The following DLGAP1 variants were observed in gnomAD, a reference collection of about 807,000 sequenced individuals.
DLGAP1 encodes DLG associated protein 1, also known as disks large-associated protein 1.
Under a neutral mutation model 90.8 loss-of-function variants are expected in DLGAP1, and 11 were observed. That is an observed-to-expected ratio of 0.12 (90% confidence interval 0.08 to 0.20). The LOEUF (loss-of-function observed/expected upper bound fraction) is 0.20, where lower values mean the gene tolerates loss of function less well. Ranked by LOEUF, DLGAP1 falls within the 10% of genes least tolerant of loss-of-function variation. The probability of loss-of-function intolerance (pLI) is 1.00; values close to 1 mark genes in which losing one functional copy is unlikely to be tolerated. For synonymous variants in DLGAP1, 558 were observed against 540.7 expected (o/e 1.03, Z -0.44); for missense variants, 1,050 against 1,333.8 (o/e 0.79, Z 3.31).
chr18:4,351,740 A>G (rs1376265621), intron 1 of DLGAP1, among the ~76,000 whole-genome samples: 1 of 152,214 alleles, frequency 6.6e-6, no homozygotes, highest in African/African-American at 2.4e-5. Context: ...TTTGTTGTAC[A>G]AATGTGGTGC....
At chr18:3,502,231 C>G in intron 12 of DLGAP1, 1 of 1,339,438 alleles carries the variant, frequency 7.5e-7, no homozygotes, top group South Asian at 2.2e-5. Flanking sequence ...AATGGTTTAA[C>G]TTAAAGTTTA....
intron 1 of DLGAP1, among the ~76,000 whole-genome samples, chr18:4,177,583 C>T (rs1033608987): frequency 1.3e-5 from 2 of 152,126 alleles, no homozygotes; most frequent in African/African-American, 2.4e-5. Flanking sequence ...AAGCATAGCA[C>T]CAATAGATAG....
At chr18:4,402,729 G>A (rs1360513618) in intron 1 of DLGAP1, among the ~76,000 whole-genome samples, 1 of 152,104 alleles carries the variant, frequency 6.6e-6, no homozygotes, top group Non-Finnish European at 1.5e-5. Flanking sequence ...GTAAAAAGAA[G>A]ACAGTCAAAA....
At chr18:3,972,923 G>A (rs2073483641) in intron 3 of DLGAP1, among the ~76,000 whole-genome samples, 1 of 152,182 alleles carries the variant, frequency 6.6e-6, no homozygotes, top group African/African-American at 2.4e-5. Context: ...ATAGGGCAGA[G>A]GACTTTTATT....
At chr18:4,285,719 C>T (rs750872528) in intron 1 of DLGAP1, among the ~76,000 whole-genome samples, 3 of 152,122 alleles carry the variant, frequency 2.0e-5, no homozygotes, top group African/African-American at 7.2e-5. Context: ...TACAGGTTGA[C>T]GTTTGCCTTA....
Position 3,749,093 on chromosome 18 carries a change from T to TCTTCTC in DLGAP1, c.1173-6587_1173-6582dup, listed in dbSNP as rs574160325. ...TTTTAACTTCCACATTCCTATTCTGTCTTCTCCTTCTCCTTCTCCTCCTCC... is the reference window on the plus strand; with the variant it reads ...TTTTAACTTCCACATTCCTATTCTGTCTTCTCCTTCTCCTTCTCCTTCTCCTCCTCC... On this transcript the variant is annotated intron_variant, in intron 5 of 12. Coordinates refer to ENST00000315677, the MANE Select transcript of DLGAP1 (RefSeq NM_004746.4). 4.4e-3 allele frequency among the ~76,000 whole-genome samples: 662 copies of TCTTCTC among 151,652 alleles called. 3 individuals carry two copies. The highest frequency in any genetic ancestry group is 0.023 in the South Asian group (110 of 4,764).
chr18:3,681,102 C>G (rs2060497992), intron 7 of DLGAP1, among the ~76,000 whole-genome samples: 1 of 152,176 alleles, frequency 6.6e-6, no homozygotes, highest in Admixed American at 6.5e-5. Flanking sequence ...AAAATGGAGG[C>G]TGATGAGAGT....
At chr18:3,618,326 G>A (rs772137781) in intron 7 of DLGAP1, among the ~76,000 whole-genome samples, 2 of 152,058 alleles carry the variant, frequency 1.3e-5, no homozygotes, top group African/African-American at 2.4e-5. Flanking sequence ...TTCAACTTGC[G>A]GGCTGTTTGA....
At position 3,499,937 on chromosome 18, in the gene DLGAP1, T is replaced by G. The variant is rs2049842221; in HGVS notation, c.2725-543A>C. The stretch of plus-strand genomic sequence containing the variant: ...AGAAGAGATATCAGATTGTGTTCTT[T>G]AGCTTTGTTGGTGCTACACCAGGTT... On this transcript the variant is annotated intron_variant, in intron 12 of 12. Coordinates refer to ENST00000315677, the MANE Select transcript of DLGAP1 (RefSeq NM_004746.4). This position sits in a 1 kb window ranked among gnomAD's most constrained non-coding sequence, Gnocchi z 6.4. Among the ~76,000 whole-genome samples the G allele has an allele frequency of 6.6e-6, 1 of 152,194 alleles. No homozygotes were observed. The highest frequency in any genetic ancestry group is 2.1e-4 in the South Asian group (1 of 4,824).
At position 3,499,850 on chromosome 18, in the gene DLGAP1, C is replaced by G. The variant is rs2049837342; in HGVS notation, c.2725-456G>C. On this transcript the variant is annotated intron_variant, in intron 12 of 12. Transcript: ENST00000315677. This position sits in a 1 kb window ranked among gnomAD's most constrained non-coding sequence, Gnocchi z 6.4. ...CTTGGTTCAGAGCTTAAAAACATCT[C>G]CGCTCTGTCCCCGGCCCGCCCACCG... Among the ~76,000 whole-genome samples, 1 of 152,112 alleles carries G rather than the reference C, an allele frequency of 6.6e-6. No homozygotes were observed. The highest frequency in any genetic ancestry group is 6.6e-5 in the Admixed American group (1 of 15,262).
intron 2 of DLGAP1, among the ~76,000 whole-genome samples, chr18:4,053,276 T>C (rs1361422158): frequency 6.6e-6 from 1 of 152,172 alleles, no homozygotes; most frequent in East Asian, 1.9e-4. Flanking sequence ...TCATGGTAGA[T>C]GGGGAAGAAA....
At chr18:4,057,227 A>C (rs2075233875) in intron 2 of DLGAP1, among the ~76,000 whole-genome samples, 1 of 152,162 alleles carries the variant, frequency 6.6e-6, no homozygotes, top group Non-Finnish European at 1.5e-5. Flanking sequence ...GTCTCCCAAT[A>C]GACAGAAAAC....
At chr18:3,941,203 G>A (rs1450218239) in intron 3 of DLGAP1, among the ~76,000 whole-genome samples, 2 of 152,190 alleles carry the variant, frequency 1.3e-5, no homozygotes, top group Non-Finnish European at 2.9e-5. Context: ...GTAACTGGAG[G>A]TACAAACACT....
intron 5 of DLGAP1, among the ~76,000 whole-genome samples, chr18:3,811,769 G>GGCAA (rs2066855848): frequency 6.6e-6 from 1 of 152,198 alleles, no homozygotes; most frequent in Non-Finnish European, 1.5e-5. Context: ...TTGTGAAGAA[G>GGCAA]GCAAATGAGA....
chr18:3,728,449 C>T (rs1395542105), intron 7 of DLGAP1, among the ~76,000 whole-genome samples: 2 of 151,874 alleles, frequency 1.3e-5, no homozygotes, highest in Admixed American at 6.6e-5. Context: ...CACAGAAACT[C>T]GTTAAGCTTT....
At chr18:4,263,814 T>C (rs73376950) in intron 1 of DLGAP1, among the ~76,000 whole-genome samples, 6,731 of 152,258 alleles carry the variant, frequency 0.044, 483 homozygotes, top group African/African-American at 0.15. Context: ...TTCTTTTAGA[T>C]AGATTTCAGT....
chr18:4,303,654 T>A (rs2080181363), intron 1 of DLGAP1, among the ~76,000 whole-genome samples: 1 of 152,212 alleles, frequency 6.6e-6, no homozygotes, highest in Non-Finnish European at 1.5e-5. Flanking sequence ...TAACTCATCA[T>A]CTCAATCCTT....
At chr18:4,348,400 ATG>A (rs71160958) in intron 1 of DLGAP1, among the ~76,000 whole-genome samples, 13,071 of 133,142 alleles carry the variant, frequency 0.098, 731 homozygotes, top group East Asian at 0.19. Context: ...GAACTCAGGA[ATG>A]TGTGTGTGTG....
chr18:4,361,271 T>C (rs907076142), intron 1 of DLGAP1, among the ~76,000 whole-genome samples: 1 of 152,010 alleles, frequency 6.6e-6, no homozygotes, highest in African/African-American at 2.4e-5. Context: ...GCGCAGAAAA[T>C]AATAATTTTC....
Sources: gnomAD v4.1 joint callset for allele counts (sites outside exome capture counted in the v4.1 genomes callset) on GRCh38, gnomAD v4.1.1 for gene constraint, Gnocchi (gnomAD v3.1) non-coding constraint, MANE v1.5 for transcripts, NCBI Gene and HGNC (gene_info 2026-07-23, HGNC 2026-07-21) for gene names.